The following CDK14 variants were observed in gnomAD, a reference collection of about 807,000 sequenced individuals.
CDK14 encodes the protein cyclin dependent kinase 14.
Under a neutral mutation model 60.7 loss-of-function variants are expected in CDK14, and 34 were observed. That is an observed-to-expected ratio of 0.56 (90% CI 0.43 to 0.75). CDK14 has a LOEUF of 0.75. Among genes scored for constraint, CDK14 ranks in the 30% least tolerant of loss-of-function variants. The pLI, the probability that CDK14 is intolerant of heterozygous loss-of-function variation, is 0.00. For synonymous variants in CDK14, 197 were observed against 203.7 expected (o/e 0.97, Z 0.28); for missense variants, 482 against 564.1 (o/e 0.85, Z 1.47).
At chr7:91,164,603 C>T (rs1180079669) in intron 14 of CDK14, among the ~76,000 whole-genome samples, 3 of 152,130 alleles carry the variant, frequency 2.0e-5, no homozygotes, top group Admixed American at 2.0e-4. Flanking sequence ...GAAGATTTGG[C>T]TATGTTGCAG....
Position 91,101,042 on chromosome 7 carries a change from C to A in CDK14, c.1155-11500C>A, listed in dbSNP as rs112035089. Among the ~76,000 whole-genome samples, 1,383 of 152,170 alleles carry A rather than the reference C, an allele frequency of 9.1e-3. 10 individuals carry two copies. Among genetic ancestry groups the A allele is most frequent in the Middle Eastern group, 0.054 (16 of 294 alleles). On this transcript the variant is annotated intron_variant, in intron 12 of 14. Transcript: ENST00000380050. ...TGTTCATGTTAAGGCTGGACTCTCC[C>A]CATTGTCCTTATTTAGCATAGGACA...
chr7:90,906,429 A>C (rs941952836), intron 7 of CDK14, among the ~76,000 whole-genome samples: 5 of 152,160 alleles, frequency 3.3e-5, no homozygotes, highest in Admixed American at 2.0e-4. Flanking sequence ...AACACTTCAC[A>C]GATTATTAAA....
rs1202522894 is a variant in CDK14 at position 90,974,910 on chromosome 7, A to C, written c.948-9238A>C. ...TATTAGCTGGTGCCTTTTTGACCTA[A>C]CCCTATTTCATTCAGGTCTGGTAAT... On this transcript the variant is annotated intron_variant, in intron 9 of 14. Transcript: ENST00000380050. Among the ~76,000 whole-genome samples, 2 of 152,082 alleles carry C rather than the reference A, an allele frequency of 1.3e-5. 1 individual carries two copies. The highest frequency in any genetic ancestry group is 2.9e-5 in the Non-Finnish European group (2 of 68,004).
chr7:90,870,652 A>G (rs1791341638), intron 6 of CDK14, among the ~76,000 whole-genome samples: 1 of 152,134 alleles, frequency 6.6e-6, no homozygotes, highest in African/African-American at 2.4e-5. Flanking sequence ...AGTCCCAGAT[A>G]AGGTAAATCT....
At chr7:90,991,874 A>G (rs980792276) in intron 10 of CDK14, among the ~76,000 whole-genome samples, 1 of 152,206 alleles carries the variant, frequency 6.6e-6, no homozygotes, top group Non-Finnish European at 1.5e-5. Flanking sequence ...CTCTGCTTCT[A>G]TTAAGATTTT....
At chr7:90,777,490 A>T (rs1263356915) in intron 4 of CDK14, among the ~76,000 whole-genome samples, 1 of 152,234 alleles carries the variant, frequency 6.6e-6, no homozygotes, top group East Asian at 1.9e-4. Flanking sequence ...GCACGTTAGA[A>T]TCACTGCGGG....
In CDK14 at chr7:91,038,645, G is replaced by A. The variant is rs113233363; in HGVS notation, c.1042-7252G>A. ...AGATGTCCAGGCTTTGGAAATACAC[G>A]TGTAAAGGCCTTGTATCCACACCTA... On this transcript the variant is annotated intron_variant, in intron 10 of 14. Coordinates refer to ENST00000380050, the MANE Select transcript of CDK14 (RefSeq NM_001287135.2). Among the ~76,000 whole-genome samples the A allele has an allele frequency of 8.0e-3, 1,213 of 152,294 alleles. 15 individuals carry two copies. Among genetic ancestry groups the A allele is most frequent in the African/African-American group, 0.028 (1,155 of 41,570 alleles).
chr7:91,085,334 G>A (rs1313447965), intron 12 of CDK14, among the ~76,000 whole-genome samples: 1 of 152,082 alleles, frequency 6.6e-6, no homozygotes, highest in African/African-American at 2.4e-5. Flanking sequence ...CTTGCTCGCT[G>A]TCTCCACCCG....
At chr7:91,144,465 C>A (rs1037402974) in intron 14 of CDK14, among the ~76,000 whole-genome samples, 3 of 152,108 alleles carry the variant, frequency 2.0e-5, no homozygotes, top group Admixed American at 6.6e-5. Context: ...ACAAATATTT[C>A]TTTCAGGATC....
At chr7:90,778,144 T>G (rs1805127009) in intron 4 of CDK14, among the ~76,000 whole-genome samples, 1 of 152,228 alleles carries the variant, frequency 6.6e-6, no homozygotes, top group Non-Finnish European at 1.5e-5. Context: ...ATACCAATGC[T>G]TCCTTTATGT....
At chr7:90,936,719 C>A (rs1386139834) in intron 8 of CDK14, among the ~76,000 whole-genome samples, 1 of 152,170 alleles carries the variant, frequency 6.6e-6, no homozygotes, top group Non-Finnish European at 1.5e-5. Context: ...TAATTAACTG[C>A]TCCCTGATTT....
Position 90,667,151 on chromosome 7 carries a change from C to A in CDK14, c.124-59416C>A, listed in dbSNP as rs34280363. Among the ~76,000 whole-genome samples the A allele has an allele frequency of 4.3e-3, 662 of 152,226 alleles. 4 individuals are homozygous for A. The highest frequency in any genetic ancestry group is 6.8e-3 in the Middle Eastern group (2 of 294). On this transcript the variant is annotated intron_variant, in intron 2 of 14. Coordinates refer to ENST00000380050, the MANE Select transcript of CDK14 (RefSeq NM_001287135.2). ...TTAAAGCATAGCCAAGAAATCATGT[C>A]ATTTCACTCTTATAGTCATCATTGT...
At chr7:90,867,158 G>A (rs1006002341) in intron 6 of CDK14, among the ~76,000 whole-genome samples, 1 of 152,078 alleles carries the variant, frequency 6.6e-6, no homozygotes. Flanking sequence ...CCAAGGAGTC[G>A]CTCAGTTAGC....
At chr7:90,812,512 A>G (rs888627012) in intron 5 of CDK14, among the ~76,000 whole-genome samples, 2 of 152,208 alleles carry the variant, frequency 1.3e-5, no homozygotes, top group Admixed American at 6.5e-5. Context: ...GATATACCTA[A>G]TGTTAAATGA....
chr7:90,936,573 T>G (rs1210433223), intron 8 of CDK14, among the ~76,000 whole-genome samples: 3 of 152,200 alleles, frequency 2.0e-5, no homozygotes, highest in Non-Finnish European at 2.9e-5. Context: ...TAGTAGATAA[T>G]GGGTTTGTTC....
At chr7:91,123,951 C>G (rs1044583019) in intron 14 of CDK14, among the ~76,000 whole-genome samples, 6 of 152,030 alleles carry the variant, frequency 3.9e-5, no homozygotes, top group African/African-American at 1.4e-4. Flanking sequence ...GAGACAGGGT[C>G]TCGCTCTGTT....
At chr7:90,885,092 T>G (rs35572356) in intron 6 of CDK14, among the ~76,000 whole-genome samples, 1 of 152,126 alleles carries the variant, frequency 6.6e-6, no homozygotes. Flanking sequence ...AAATGGGAAC[T>G]AATTAAACTT....
At chr7:90,965,124 C>T (rs1414563372) in intron 9 of CDK14, among the ~76,000 whole-genome samples, 2 of 152,184 alleles carry the variant, frequency 1.3e-5, no homozygotes, top group Non-Finnish European at 2.9e-5. Context: ...CACAATGTAG[C>T]ATTTCTTATC....
Position 90,723,009 on chromosome 7 carries a change from G to A in CDK14, c.124-3558G>A, listed in dbSNP as rs189195564. Among the ~76,000 whole-genome samples the A allele has an allele frequency of 1.3e-4, 20 of 152,280 alleles. 1 individual carries two copies. In the East Asian group the frequency reaches 3.1e-3, roughly 24 times the overall value. ...AATCAAAGTGTTTGTGAAAGTGGAT[G>A]TCCTTGAATTTTCCCTGTTTTTAGG... is the stretch of plus-strand genomic sequence containing the variant. On this transcript the variant is annotated intron_variant, in intron 2 of 14. Transcript: ENST00000380050.
Sources: gnomAD v4.1 joint callset for allele counts (sites outside exome capture counted in the v4.1 genomes callset) on GRCh38, gnomAD v4.1.1 for gene constraint, MANE v1.5 for transcripts, NCBI Gene and HGNC (gene_info 2026-07-23, HGNC 2026-07-21) for gene names.